The following MTMR3 variants were observed in gnomAD, a reference collection of about 807,000 sequenced individuals.
MTMR3 encodes the protein myotubularin related protein 3.
Under a neutral mutation model 132.4 loss-of-function variants are expected in MTMR3, and 32 were observed. The observed-to-expected ratio is 0.24, with a 90% confidence interval of 0.18 to 0.32. The LOEUF (loss-of-function observed/expected upper bound fraction) is 0.32, where lower values mean the gene tolerates loss of function less well. MTMR3 is among the 10% of genes least tolerant of loss of function. The probability of loss-of-function intolerance (pLI) is 1.00; values close to 1 mark genes in which losing one functional copy is unlikely to be tolerated. For missense variants in MTMR3, 1,216 were observed against 1,489.6 expected (o/e 0.82, Z 3.02); for synonymous variants, 556 against 550.3 (o/e 1.01, Z -0.14).
intron 3 of MTMR3, among the ~76,000 whole-genome samples, chr22:29,971,883 T>C (rs2066543724): frequency 6.6e-6 from 1 of 152,374 alleles, no homozygotes; most frequent in African/African-American, 2.4e-5. Flanking sequence ...TACCTTGTGA[T>C]GTTTCCTAGA....
chr22:29,903,156 C>T (rs541072203), intron 1 of MTMR3, among the ~76,000 whole-genome samples: 76 of 152,130 alleles, frequency 5.0e-4, no homozygotes, highest in African/African-American at 1.8e-3. Flanking sequence ...ACCCAGGAGG[C>T]GGAGGCTGTA....
At chr22:29,899,801 C>G (rs2064970122) in intron 1 of MTMR3, 1 of 152,146 alleles carries the variant, frequency 6.6e-6, no homozygotes, top group Admixed American at 6.5e-5. Context: ...AGGTATGCTG[C>G]TAATGTTCTG....
At chr22:30,000,766 G>A (rs1250880593) in intron 8 of MTMR3, 1 of 152,222 alleles carries the variant, frequency 6.6e-6, no homozygotes, top group Non-Finnish European at 1.5e-5. Flanking sequence ...GGTGAATGCT[G>A]GATGAGGGGG....
intron 5 of MTMR3, chr22:29,982,375 A>G (rs1033039571): frequency 6.6e-6 from 1 of 152,136 alleles, no homozygotes; most frequent in African/African-American, 2.4e-5. Flanking sequence ...CGGGTCCTGG[A>G]TGGAGATCAG....
At chr22:29,951,255 T>G (rs1478765047) in intron 1 of MTMR3, among the ~76,000 whole-genome samples, 1 of 152,174 alleles carries the variant, frequency 6.6e-6, no homozygotes, top group Non-Finnish European at 1.5e-5. Flanking sequence ...ATTTTTACCG[T>G]TTTTAGCAGA....
rs887539313 is a variant in MTMR3 at position 30,030,348 on chromosome 22, T to A, written c.*4547T>A. ...GCTTCCCAACTAGCTTATAAGATTT[T>A]TTTTTTTAATGAAAACATAACCCAT... On this transcript the variant is annotated 3_prime_UTR_variant, in exon 20 of 20. Transcript: ENST00000401950. The A allele has an allele frequency of 7.9e-5, 12 of 152,066 alleles. No homozygotes were observed. The highest frequency in any genetic ancestry group is 1.6e-4 in the Non-Finnish European group (11 of 67,946). 9.4% of individuals were successfully genotyped at this position (152,066 alleles called of 1,614,324 possible).
At chr22:29,980,585 G>A (rs2066721308) in intron 5 of MTMR3, 1 of 152,162 alleles carries the variant, frequency 6.6e-6, no homozygotes, top group African/African-American at 2.4e-5. Flanking sequence ...ATTTAACTTT[G>A]TGTTCTTTCA....
At chr22:29,945,712 G>GAAAAAAAAAAAAAAAAAA (rs1238843477) in intron 1 of MTMR3, among the ~76,000 whole-genome samples, 3 of 78,110 alleles carry the variant, frequency 3.8e-5, no homozygotes, top group African/African-American at 1.9e-4. Context: ...TCTTTAAAAT[G>GAAAAAAAAAAAAAAAAAA]AAAAAGAAAA....
At chr22:29,940,248 A>T (rs981225807) in intron 1 of MTMR3, among the ~76,000 whole-genome samples, 3 of 152,118 alleles carry the variant, frequency 2.0e-5, no homozygotes, top group Non-Finnish European at 2.9e-5. Context: ...AGCCTGGGGG[A>T]CAGAGCGAGA....
At chr22:29,929,676 A>G (rs1481501766) in intron 1 of MTMR3, among the ~76,000 whole-genome samples, 1 of 151,900 alleles carries the variant, frequency 6.6e-6, no homozygotes, top group Non-Finnish European at 1.5e-5. Flanking sequence ...TGCCCGGCTA[A>G]CTTTTTTTTG....
At chr22:29,911,081 G>A (rs1192106656) in intron 1 of MTMR3, among the ~76,000 whole-genome samples, 3 of 152,118 alleles carry the variant, frequency 2.0e-5, no homozygotes, top group Non-Finnish European at 4.4e-5. Context: ...CCTACCCCAG[G>A]CAGGAGGTCT....
chr22:29,921,648 T>C (rs2065415877), intron 1 of MTMR3, among the ~76,000 whole-genome samples: 1 of 152,206 alleles, frequency 6.6e-6, no homozygotes, highest in South Asian at 2.1e-4. Context: ...CTTTCTCAAT[T>C]GAAACTCTGT....
intron 9 of MTMR3, chr22:30,003,350 A>G (rs969622397): frequency 1.8e-5 from 3 of 163,826 alleles, no homozygotes; most frequent in African/African-American, 7.2e-5. Flanking sequence ...TTAGAAAGTG[A>G]TCTTTGGGAA....
Position 29,945,718 on chromosome 22 carries a change from G to GAAA in MTMR3, c.-137-11304_-137-11302dup, listed in dbSNP as rs67054738. ...AGACTCCAGTCTTTAAAATGAAAAAGAAAAAAAAAAAAAAAATTTCGAGCC... is the reference window on the plus strand; with the variant it reads ...AGACTCCAGTCTTTAAAATGAAAAAGAAAAAAAAAAAAAAAAAAATTTCGAGCC... On this transcript the variant is annotated intron_variant, in intron 1 of 19. Coordinates refer to ENST00000401950, the MANE Select transcript of MTMR3 (RefSeq NM_021090.4). 1.0e-3 allele frequency among the ~76,000 whole-genome samples: 125 copies of GAAA among 124,466 alleles called. 1 individual carries two copies. The highest frequency in any genetic ancestry group is 3.4e-3 in the African/African-American group (120 of 35,464). 81.7% of individuals were successfully genotyped at this position (124,466 alleles called of 152,430 possible).
intron 1 of MTMR3, among the ~76,000 whole-genome samples, chr22:29,922,589 A>G (rs1200001091): frequency 1.3e-5 from 2 of 152,170 alleles, no homozygotes; most frequent in African/African-American, 2.4e-5. Flanking sequence ...ATTGTGAAGA[A>G]TGCTCCTATG....
At chr22:29,906,278 G>A (rs58768673) in intron 1 of MTMR3, among the ~76,000 whole-genome samples, 2,078 of 68,194 alleles carry the variant, frequency 0.03, 23 homozygotes, top group East Asian at 0.084. Context: ...CTGTCTGTCT[G>A]TCTGTCTGTC....
chr22:29,971,181 T>C (rs1464064240), intron 3 of MTMR3, 119 bp downstream of exon 3: 4 of 1,032,140 alleles, frequency 3.9e-6, no homozygotes, highest in South Asian at 1.8e-5. Context: ...TTATTTCTTT[T>C]TCTTTCCCAG....
chr22:29,952,975 T>TA (rs1410214546), intron 1 of MTMR3, among the ~76,000 whole-genome samples: 4 of 152,228 alleles, frequency 2.6e-5, no homozygotes, highest in Non-Finnish European at 4.4e-5. Context: ...GTGGCGGTTG[T>TA]AAATCTACTT....
intron 1 of MTMR3, among the ~76,000 whole-genome samples, chr22:29,921,111 A>G (rs886455248): frequency 2.6e-5 from 4 of 152,104 alleles, no homozygotes; most frequent in Admixed American, 6.6e-5. Context: ...TATAAAGAAA[A>G]TAGTTTTATT....
Sources: gnomAD v4.1 joint callset for allele counts (sites outside exome capture counted in the v4.1 genomes callset) on GRCh38, gnomAD v4.1.1 for gene constraint, MANE v1.5 for transcripts, NCBI Gene and HGNC (gene_info 2026-07-23, HGNC 2026-07-21) for gene names.